Variants in C2orf69 observed in about 807,000 individuals in gnomAD.
The protein encoded by C2orf69 is chromosome 2 open reading frame 69, also known as mitochondrial protein C2orf69.
A neutral mutation model predicts 29.5 loss-of-function variants in C2orf69; 19 were observed. That is an observed-to-expected ratio of 0.65 (90% confidence interval 0.45 to 0.95). The LOEUF is 0.95. Among genes scored for constraint, C2orf69 ranks in the 40% least tolerant of loss-of-function variants. The pLI is 0.00. For synonymous variants in C2orf69, 194 were observed against 180.0 expected, an observed-to-expected ratio of 1.08 and a Z score of -0.62; for missense variants, 416 against 482.1, an observed-to-expected ratio of 0.86 and a Z score of 1.28.
intron 1 of C2orf69, among the ~76,000 whole-genome samples, chr2:199,923,033 T>C (rs2106636507): frequency 6.6e-6 from 1 of 152,314 alleles, no homozygotes; most frequent in East Asian, 1.9e-4. Context: ...CTCATTGCTG[T>C]GTCTGGGTTA....
At chr2:199,914,100 T>G (rs1384154895) in intron 1 of C2orf69, among the ~76,000 whole-genome samples, 18 of 152,224 alleles carry the variant, frequency 1.2e-4, no homozygotes, top group Admixed American at 1.2e-3. Flanking sequence ...TGGTCCCTTC[T>G]TATCTCTCTG....
Position 199,922,067 on chromosome 2 carries a change from A to G in C2orf69, c.334-2995A>G, listed in dbSNP as rs550218046. 1.3e-4 allele frequency among the ~76,000 whole-genome samples: 18 copies of G among 133,702 alleles called. No homozygotes were observed. In the South Asian group the frequency reaches 4.2e-3, roughly 31 times the overall value. The allele number at this position is 133,702 out of a possible 152,430, so 87.7% of individuals were successfully genotyped here. ...TATATATATATATGCTTCCAGAGAC[A>G]TTCTATACTTATGTGTTTTTTTCCT... On this transcript the variant is annotated intron_variant, in intron 1 of 1. Coordinates refer to ENST00000319974, the MANE Select transcript of C2orf69 (RefSeq NM_153689.6).
At chr2:199,921,638 AT>A (rs1275215176) in intron 1 of C2orf69, among the ~76,000 whole-genome samples, 1 of 152,130 alleles carries the variant, frequency 6.6e-6, no homozygotes, top group Non-Finnish European at 1.5e-5. Context: ...TTAACCTTAG[AT>A]GTCTAACAAT....
intron 1 of C2orf69, among the ~76,000 whole-genome samples, chr2:199,922,974 C>G (rs185504530): frequency 2.2e-4 from 34 of 152,328 alleles, no homozygotes; most frequent in South Asian, 1.9e-3. Context: ...TCTCTGCCCC[C>G]CTTTGTGATC....
chr2:199,911,699 C>G lies in C2orf69; in HGVS notation c.261C>G (p.Pro87=). Residue 87 remains proline, a synonymous_variant, in exon 1 of 2, where the codon CCC becomes CCG. Transcript: ENST00000319974. ...AGEGLERQDL[P]GDPAKEEPQP... ...AGGGACTGGAGCGGCAGGACCTCCC[C>G]GGGGACCCAGCGAAGGAGGAGCCGC... The G allele has an allele frequency of 1.3e-6, 2 of 1,545,750 alleles. No individual in the cohort carries two copies. Among genetic ancestry groups the G allele is most frequent in the Non-Finnish European group, 1.7e-6 (2 of 1,146,894 alleles).
At chr2:199,920,498 A>G (rs1390777369) in intron 1 of C2orf69, among the ~76,000 whole-genome samples, 1 of 152,176 alleles carries the variant, frequency 6.6e-6, no homozygotes, top group Non-Finnish European at 1.5e-5. Flanking sequence ...CTCATTAACT[A>G]AATAAATATA....
chr2:199,911,619 C>T lies in C2orf69; in HGVS notation c.181C>T (p.Pro61Ser). 1.3e-6 allele frequency: 2 copies of T among 1,549,596 alleles called. No homozygotes were observed. The highest frequency in any genetic ancestry group is 1.7e-6 in the Non-Finnish European group (2 of 1,146,604). ...RRQCLQLSTV[P>S]GADPQRSNEL... ...TCAGTGCCTGCAGCTTTCCACCGTG[C>T]CTGGAGCCGATCCGCAGCGCAGCAA... Residue 61 changes from proline to serine, a missense_variant, in exon 1 of 2, where the codon CCT (proline) becomes TCT (serine). This residue lies in a region of C2orf69 where 175 missense variants were observed against 139.9 expected (regional missense o/e 1.25). Transcript: ENST00000319974.
chr2:199,913,162 ATATATATATTATATATAAAAT>A (rs1485441663), intron 1 of C2orf69, among the ~76,000 whole-genome samples: 2 of 118,138 alleles, frequency 1.7e-5, no homozygotes, highest in Admixed American at 1.2e-4. Flanking sequence ...ATATTATTTT[ATATATATATTATATATAAAAT>A]TATATATATT....
intron 1 of C2orf69, among the ~76,000 whole-genome samples, chr2:199,915,556 G>T (rs527328634): frequency 2.9e-4 from 44 of 151,250 alleles, no homozygotes; most frequent in Non-Finnish European, 5.7e-4. Flanking sequence ...GCCCAGGCTG[G>T]AGTGCAGTGG....
intron 1 of C2orf69, among the ~76,000 whole-genome samples, chr2:199,918,440 C>T (rs1408792852): frequency 6.6e-6 from 1 of 152,158 alleles, no homozygotes; most frequent in Non-Finnish European, 1.5e-5. Flanking sequence ...CGGCTCACTG[C>T]AACCTCCGTC....
rs761138558 is a variant in C2orf69, at chr2:199,925,263, A to G, written c.535A>G (p.Thr179Ala). 4.3e-6 allele frequency: 7 copies of G among 1,612,186 alleles called. No homozygotes were observed. The highest frequency in any genetic ancestry group is 4.5e-5 in the East Asian group (2 of 44,876). ...CATGTTTGGTGCCCCAGAACACAATACTGACTTTGGAGCTTTTAAGCACCT... is the reference window on the plus strand; with the variant it reads ...CATGTTTGGTGCCCCAGAACACAATGCTGACTTTGGAGCTTTTAAGCACCT... ...SNMFGAPEHN[T>A]DFGAFKHLYM... Residue 179 changes from threonine to alanine, a missense_variant, in exon 2 of 2, where the codon ACT becomes GCT. Physicochemically the swap from Thr to Ala is moderately conservative, Grantham distance 58. This residue lies in a region of C2orf69 where 225 missense variants were observed against 307.3 expected (regional missense o/e 0.73). Transcript: ENST00000319974. The surrounding 1 kb of genome is among the most constrained non-coding windows in gnomAD (Gnocchi z 4.9).
At chr2:199,915,756 A>T (rs553494353) in intron 1 of C2orf69, among the ~76,000 whole-genome samples, 2 of 151,994 alleles carry the variant, frequency 1.3e-5, no homozygotes, top group African/African-American at 4.8e-5. Flanking sequence ...ACCTCAGGTG[A>T]TCCTCCCACC....
chr2:199,913,236 A>AG (rs1164701396), intron 1 of C2orf69, among the ~76,000 whole-genome samples: 1 of 36,364 alleles, frequency 2.7e-5, no homozygotes, highest in Non-Finnish European at 5.2e-5. Context: ...ATATTATAAT[A>AG]TATATAATAT....
rs2077343254 is a variant in C2orf69 at position 199,928,207 on chromosome 2, A to G, written c.*2321A>G. 2 of 152,620 alleles carry G rather than the reference A, an allele frequency of 1.3e-5. No homozygotes were observed. Among genetic ancestry groups the G allele is most frequent in the African/African-American group, 4.8e-5 (2 of 41,456 alleles). The allele number at this position is 152,620 out of a possible 1,614,324, so 9.5% of individuals were successfully genotyped here. A position where few individuals can be genotyped will look rare whatever the true frequency, so the allele number is the denominator to read the frequency against. On this transcript the variant is annotated 3_prime_UTR_variant, in exon 2 of 2. Coordinates refer to ENST00000319974, the MANE Select transcript of C2orf69 (RefSeq NM_153689.6). ...TGAGTTGAGAAAAGTAGTCCTACAAATAATGTGAAAGTTGTTACCACCACA... is the reference window on the plus strand; with the variant it reads ...TGAGTTGAGAAAAGTAGTCCTACAAGTAATGTGAAAGTTGTTACCACCACA...
intron 1 of C2orf69, among the ~76,000 whole-genome samples, chr2:199,912,480 A>T (rs1273019801): frequency 6.6e-6 from 1 of 152,180 alleles, no homozygotes; most frequent in African/African-American, 2.4e-5. Flanking sequence ...TAAAACTAAA[A>T]ATCCAGTTAT....
At chr2:199,922,842 C>A (rs1407195632) in intron 1 of C2orf69, among the ~76,000 whole-genome samples, 1 of 152,142 alleles carries the variant, frequency 6.6e-6, no homozygotes, top group Non-Finnish European at 1.5e-5. Context: ...TTATTAGGAG[C>A]CAGAGTAATA....
At position 199,911,615 on chromosome 2, in the gene C2orf69, C is replaced by T. The variant is rs937498852; in HGVS notation, c.177C>T (p.Thr59=). The T allele has an allele frequency of 2.6e-6, 4 of 1,549,586 alleles. No individual in the cohort carries two copies. The highest frequency in any genetic ancestry group is 1.2e-5 in the South Asian group (1 of 83,976). Residue 59 remains threonine, a synonymous_variant, in exon 1 of 2, where the codon ACC becomes ACT. Transcript: ENST00000319974. ...GCCGTCAGTGCCTGCAGCTTTCCAC[C>T]GTGCCTGGAGCCGATCCGCAGCGCA... is the stretch of plus-strand genomic sequence containing the variant. The part of the protein sequence containing the change: ...VRRRQCLQLS[T]VPGADPQRSN...
intron 1 of C2orf69, among the ~76,000 whole-genome samples, chr2:199,919,142 C>T (rs369263835): frequency 6.6e-6 from 1 of 152,024 alleles, no homozygotes; most frequent in East Asian, 1.9e-4. Flanking sequence ...TTCGTAGAAA[C>T]GAGGGTCTCA....
intron 1 of C2orf69, among the ~76,000 whole-genome samples, chr2:199,915,426 C>T (rs1045355774): frequency 6.6e-6 from 1 of 151,872 alleles, no homozygotes; most frequent in African/African-American, 2.4e-5. Context: ...CTTGTTATAG[C>T]TTTATTCTTA....
Sources: allele counts gnomAD v4.1 joint callset (sites outside exome capture counted in the v4.1 genomes callset), GRCh38; gene constraint gnomAD v4.1.1; regional missense constraint gnomAD v4.1.1; non-coding constraint Gnocchi (gnomAD v3.1); transcripts MANE v1.5; gene names NCBI Gene and HGNC (gene_info 2026-07-23, HGNC 2026-07-21).